The following KCNQ1 variants were observed in gnomAD, a reference collection of about 807,000 sequenced individuals.
KCNQ1 encodes potassium voltage-gated channel subfamily KQT member 1.
A neutral mutation model predicts 72.4 loss-of-function variants in KCNQ1; 49 were observed. That is an observed-to-expected ratio of 0.68 (90% confidence interval 0.54 to 0.86). KCNQ1 has a LOEUF of 0.86. KCNQ1 is among the 40% of genes least tolerant of loss of function. The pLI is 0.00. For synonymous variants in KCNQ1, 450 were observed against 412.6 expected, an observed-to-expected ratio of 1.09 and a Z score of -1.10; for missense variants, 790 against 945.1, an observed-to-expected ratio of 0.84 and a Z score of 2.15.
chr11:2,650,056 GCTTGA>G (rs1166590270), intron 10 of KCNQ1: 2 of 398,062 alleles, frequency 5.0e-6, no homozygotes, highest in Non-Finnish European at 8.9e-6. Context: ...TATTTCTTCT[GCTTGA>G]CTTAGCCGGC....
intron 11 of KCNQ1, among the ~76,000 whole-genome samples, chr11:2,701,782 A>T (rs188121383): frequency 6.6e-6 from 1 of 152,116 alleles, no homozygotes; most frequent in Non-Finnish European, 1.5e-5. Flanking sequence ...AGTGACCACT[A>T]TTATTCTCTG....
chr11:2,780,778 C>T (rs1846809614), intron 15 of KCNQ1, among the ~76,000 whole-genome samples: 1 of 152,208 alleles, frequency 6.6e-6, no homozygotes, highest in African/African-American at 2.4e-5. Context: ...GCAGGGAGCC[C>T]TCTTCTTCCT....
At position 2,675,772 on chromosome 11, in the gene KCNQ1, C is replaced by T. The variant is rs562794123; in HGVS notation, c.1514+13691C>T. 27 of 398,692 alleles carry T rather than the reference C, an allele frequency of 6.8e-5. No individual in the cohort carries two copies. In the South Asian group the frequency reaches 1.1e-3, roughly 17 times the overall value. 24.7% of individuals were successfully genotyped at this position (398,692 alleles called of 1,614,324 possible). The stretch of plus-strand genomic sequence containing the variant: ...AACCAGAGACTCACAGCACTGTGTG[C>T]GGGGAGCTGCTGCCCGCAGGGCATA... On this transcript the variant is annotated intron_variant, in intron 11 of 15. Transcript: ENST00000155840.
chr11:2,452,787 G>A (rs965390081), intron 1 of KCNQ1, among the ~76,000 whole-genome samples: 2 of 152,138 alleles, frequency 1.3e-5, no homozygotes, highest in Admixed American at 6.5e-5. Context: ...TTTAAAAACC[G>A]CATGTAACTC....
intron 15 of KCNQ1, among the ~76,000 whole-genome samples, chr11:2,823,743 G>A (rs1162472341): frequency 6.6e-6 from 1 of 152,234 alleles, no homozygotes; most frequent in Non-Finnish European, 1.5e-5. Flanking sequence ...CAGAGAAGCA[G>A]GAGAACCCAG....
rs1201163444 is a variant in KCNQ1 at position 2,566,555 on chromosome 11, C to A, written c.478-4073C>A. ...CACGTCTCGGTGCCCAGATCTGAGG[C>A]CCTTTTGTCCATGAAGCCATCTGCA... On this transcript the variant is annotated intron_variant, in intron 2 of 15. Transcript: ENST00000155840. This position sits in a 1 kb window ranked among gnomAD's most constrained non-coding sequence, Gnocchi z 6.7. Among the ~76,000 whole-genome samples the A allele has an allele frequency of 2.6e-5, 4 of 152,200 alleles. No homozygotes were observed. The highest frequency in any genetic ancestry group is 2.1e-4 in the South Asian group (1 of 4,806).
Position 2,738,414 on chromosome 11 carries a change from T to A in KCNQ1, c.1515-30430T>A, listed in dbSNP as rs1327881107. Among the ~76,000 whole-genome samples, 3 of 152,134 alleles carry A rather than the reference T, an allele frequency of 2.0e-5. No individual in the cohort carries two copies. In the East Asian group the frequency reaches 5.8e-4, roughly 29 times the overall value. On this transcript the variant is annotated intron_variant, in intron 11 of 15. Coordinates refer to ENST00000155840, the MANE Select transcript of KCNQ1 (RefSeq NM_000218.3). ...GATCCTTCTTCCAGGCTAAGCGCCATGTGAGAATGCAGCAGGTCGGGGCCA... is the reference window on the plus strand; with the variant it reads ...GATCCTTCTTCCAGGCTAAGCGCCAAGTGAGAATGCAGCAGGTCGGGGCCA...
In KCNQ1 at chr11:2,645,899, C is replaced by A; in HGVS notation, c.1394-16062C>A. ...GTGATCTCCCTCTCTGGGAGCTGTT[C>A]ATTGCCATTTCACAGTCTGTAGGTA... is the stretch of plus-strand genomic sequence containing the variant. On this transcript the variant is annotated intron_variant, in intron 10 of 15. Transcript: ENST00000155840. The surrounding 1 kb of genome is among the most constrained non-coding windows in gnomAD (Gnocchi z 5.8). 1 of 398,614 alleles carries A rather than the reference C, an allele frequency of 2.5e-6. No homozygotes were observed. The highest frequency in any genetic ancestry group is 1.3e-4 in the South Asian group (1 of 7,826). The allele number at this position is 398,614 out of a possible 1,614,324, so 24.7% of individuals were successfully genotyped here.
At chr11:2,733,857 C>CTCACTCTCTCACTCTTTCTCTCT (rs147278439) in intron 11 of KCNQ1, among the ~76,000 whole-genome samples, 4 of 76,320 alleles carry the variant, frequency 5.2e-5, no homozygotes, top group Non-Finnish European at 7.6e-5. Context: ...CTCTCTCTCT[C>CTCACTCTCTCACTCTTTCTCTCT]CCCCCCCACT....
rs1321591434 is a variant in KCNQ1, at chr11:2,603,266, C to G, written c.1393+14412C>G. ...CCCCATGTCTAAGAAAACAATGTGC[C>G]TACCTTAATTGAAAGACACTTTATT... On this transcript the variant is annotated intron_variant, in intron 10 of 15. Transcript: ENST00000155840. This position sits in a 1 kb window ranked among gnomAD's most constrained non-coding sequence, Gnocchi z 4.1. Among the ~76,000 whole-genome samples the G allele has an allele frequency of 6.6e-6, 1 of 152,130 alleles. No individual in the cohort carries two copies. Among genetic ancestry groups the G allele is most frequent in the Non-Finnish European group, 1.5e-5 (1 of 68,020 alleles).
intron 11 of KCNQ1, among the ~76,000 whole-genome samples, chr11:2,751,385 G>A (rs1379109048): frequency 1.3e-5 from 2 of 152,248 alleles, no homozygotes; most frequent in Non-Finnish European, 1.5e-5. Context: ...GCTCCCGGAA[G>A]GGGGCTCTAT....
In KCNQ1 at chr11:2,695,492, A is replaced by G. The variant is rs1323261397; in HGVS notation, c.1514+33411A>G. ...CGCGTCTCTATCTTGTGAAGTGTAC[A>G]TCTAGTCCCCTGCTCCTAACCACAG... is the stretch of plus-strand genomic sequence containing the variant. On this transcript the variant is annotated intron_variant, in intron 11 of 15. Transcript: ENST00000155840. The surrounding 1 kb of genome is among the most constrained non-coding windows in gnomAD (Gnocchi z 5.2). The G allele has an allele frequency of 5.0e-6, 2 of 398,520 alleles. No homozygotes were observed. The highest frequency in any genetic ancestry group is 4.4e-5 in the Admixed American group (1 of 22,712). The allele number at this position is 398,520 out of a possible 1,614,324, so 24.7% of individuals were successfully genotyped here.
Position 2,768,835 on chromosome 11 carries a change from C to A in KCNQ1, c.1515-9C>A. 6.2e-7 allele frequency: 1 copy of A among 1,613,100 alleles called. No individual in the cohort carries two copies. The highest frequency in any genetic ancestry group is 8.5e-7 in the Non-Finnish European group (1 of 1,179,106). ...CCACTCACAATCTCCTCTCCTCTCT[C>A]CACTGCAGGCTGCGGGAACACCATC... On this transcript the variant is annotated splice_polypyrimidine_tract_variant and intron_variant, in intron 11 of 15. Coordinates refer to ENST00000155840, the MANE Select transcript of KCNQ1 (RefSeq NM_000218.3). The surrounding 1 kb of genome is among the most constrained non-coding windows in gnomAD (Gnocchi z 6.7).
chr11:2,740,871 C>A (rs1402141499), intron 11 of KCNQ1, among the ~76,000 whole-genome samples: 1 of 152,224 alleles, frequency 6.6e-6, no homozygotes, highest in Non-Finnish European at 1.5e-5. Context: ...GTATCAGGAC[C>A]CTTGTCATCA....
chr11:2,748,725 G>A lies in KCNQ1; in HGVS notation c.1515-20119G>A, dbSNP rs12786512. On this transcript the variant is annotated intron_variant, in intron 11 of 15. Coordinates refer to ENST00000155840, the MANE Select transcript of KCNQ1 (RefSeq NM_000218.3). This position sits in a 1 kb window ranked among gnomAD's most constrained non-coding sequence, Gnocchi z 6.2. ...CCAGCTGCTGCTGCCCCTCCCTCTG[G>A]GCCTCAAGACCATCTGTCACGTGAC... Among the ~76,000 whole-genome samples the A allele has an allele frequency of 0.01, 1,588 of 152,290 alleles. 20 individuals are homozygous for A. The highest frequency in any genetic ancestry group is 0.017 in the Middle Eastern group (5 of 294).
At chr11:2,796,795 C>T (rs1465287272) in intron 15 of KCNQ1, among the ~76,000 whole-genome samples, 1 of 152,244 alleles carries the variant, frequency 6.6e-6, no homozygotes, top group Admixed American at 6.5e-5. Flanking sequence ...TGTCCCCACA[C>T]AAGCCCCCAC....
rs1589980710 is a variant in KCNQ1, at chr11:2,611,364, C to T, written c.1393+22510C>T. 2 of 397,430 alleles carry T rather than the reference C, an allele frequency of 5.0e-6. No individual in the cohort carries two copies. The allele number at this position is 397,430 out of a possible 1,614,324, so 24.6% of individuals were successfully genotyped here. On this transcript the variant is annotated intron_variant, in intron 10 of 15. Coordinates refer to ENST00000155840, the MANE Select transcript of KCNQ1 (RefSeq NM_000218.3). This position sits in a 1 kb window ranked among gnomAD's most constrained non-coding sequence, Gnocchi z 5.3. ...CATCCCAAGTAGCTGGGACTACAGGCATTTGCCACCATACCCAGCTAATTT... is the reference window on the plus strand; with the variant it reads ...CATCCCAAGTAGCTGGGACTACAGGTATTTGCCACCATACCCAGCTAATTT...
intron 15 of KCNQ1, among the ~76,000 whole-genome samples, chr11:2,820,514 T>C (rs1422376860): frequency 6.6e-6 from 1 of 152,234 alleles, no homozygotes; most frequent in East Asian, 1.9e-4. Context: ...TTAATTGTGT[T>C]AAACTTGTTA....
rs1386881577 is a variant in KCNQ1 at position 2,567,920 on chromosome 11, A to AT, written c.478-2705dup. 6.6e-6 allele frequency among the ~76,000 whole-genome samples: 1 copy of AT among 152,220 alleles called. No homozygotes were observed. Among genetic ancestry groups the AT allele is most frequent in the African/African-American group, 2.4e-5 (1 of 41,454 alleles). Reference sequence around the variant, plus strand: ...GGGTATAACATAAGACACACCTATCATTTCAGACCTGCCTAGGACATGCCT... The same window carrying AT: ...GGGTATAACATAAGACACACCTATCATTTTCAGACCTGCCTAGGACATGCCT... On this transcript the variant is annotated intron_variant, in intron 2 of 15. Transcript: ENST00000155840. The surrounding 1 kb of genome is among the most constrained non-coding windows in gnomAD (Gnocchi z 6.6).
Sources: gnomAD v4.1 joint callset for allele counts (sites outside exome capture counted in the v4.1 genomes callset) on GRCh38, gnomAD v4.1.1 for gene constraint, Gnocchi (gnomAD v3.1) non-coding constraint, MANE v1.5 for transcripts, NCBI Gene and HGNC (gene_info 2026-07-23, HGNC 2026-07-21) for gene names.